The following USP7 variants were observed in gnomAD, a reference collection of about 807,000 sequenced individuals.
USP7 encodes the protein ubiquitin C-terminal hydrolase 7.
In USP7, 9 loss-of-function variants were observed where a neutral mutation model predicts 162.9. The ratio of observed to expected loss-of-function variants is 0.06; its 90% CI spans 0.03 to 0.10. USP7 has a LOEUF of 0.10. Ranked by LOEUF, USP7 falls within the 10% of genes least tolerant of loss-of-function variation. The pLI is 1.00. For synonymous variants in USP7, 562 were observed against 475.9 expected (o/e 1.18, Z -2.35); for missense variants, 715 against 1,373.7 (o/e 0.52, Z 7.58).
At chr16:8,940,303 A>T (rs1028396502) in intron 1 of USP7, among the ~76,000 whole-genome samples, 3 of 152,236 alleles carry the variant, frequency 2.0e-5, no homozygotes, top group Non-Finnish European at 4.4e-5. Flanking sequence ...GTCCAATGGC[A>T]AATGTCAACA....
At chr16:8,911,306 T>A (rs1488553218) in intron 10 of USP7, among the ~76,000 whole-genome samples, 1 of 152,124 alleles carries the variant, frequency 6.6e-6, no homozygotes, top group Non-Finnish European at 1.5e-5. Context: ...AGGTGGATTG[T>A]AGATAAATGG....
In USP7 at chr16:8,934,516, A is replaced by T. The variant is rs373907861; in HGVS notation, c.80-4119T>A. On this transcript the variant is annotated intron_variant, in intron 1 of 30. Transcript: ENST00000344836. ...CCCCCCATTTTTCAGCAGTGGGATT[A>T]ATTGCAGTGTGATGACTAAAGAAAG... 1.8e-4 allele frequency among the ~76,000 whole-genome samples: 27 copies of T among 152,360 alleles called. No individual in the cohort carries two copies. In the East Asian group the frequency reaches 3.3e-3, roughly 18 times the overall value.
intron 25 of USP7, among the ~76,000 whole-genome samples, chr16:8,897,726 A>AAAAATAT (rs1555461671): frequency 1.3e-3 from 9 of 7,132 alleles, no homozygotes; most frequent in African/African-American, 4.5e-3. Flanking sequence ...AAAAAAAAAA[A>AAAAATAT]ATATATATAT....
At chr16:8,921,128 T>C (rs371755960) in intron 4 of USP7, 29 bp downstream of exon 4, 46 of 1,609,246 alleles carry the variant, frequency 2.9e-5, no homozygotes, top group East Asian at 8.9e-5. Flanking sequence ...AATGCACCAA[T>C]TGTTCAGACT....
At chr16:8,956,044 C>A (rs1899785489) in intron 1 of USP7, among the ~76,000 whole-genome samples, 1 of 152,206 alleles carries the variant, frequency 6.6e-6, no homozygotes, top group Non-Finnish European at 1.5e-5. Context: ...CAAACTCACA[C>A]AGCACACTTT....
chr16:8,962,241 TCCCGA>T, intron 1 of USP7, among the ~76,000 whole-genome samples: 1 of 152,290 alleles, frequency 6.6e-6, no homozygotes, highest in South Asian at 2.1e-4. Flanking sequence ...TCCATTTGAC[TCCCGA>T]CAGCCTGAAC....
Position 8,915,250 on chromosome 16 carries a change from T to G in USP7, c.1078+4A>C. The stretch of plus-strand genomic sequence containing the variant: ...TCATGCCATTAGATACACACAACAC[T>G]TACTATTTTTCTTTCCTTTGATACT... On this transcript the variant is annotated splice_donor_region_variant and intron_variant, in intron 10 of 30. Transcript: ENST00000344836. The G allele has an allele frequency of 6.3e-7, 1 of 1,597,040 alleles. No individual in the cohort carries two copies. The highest frequency in any genetic ancestry group is 8.5e-7 in the Non-Finnish European group (1 of 1,172,444).
At chr16:8,909,821 G>A (rs1328377546) in intron 11 of USP7, among the ~76,000 whole-genome samples, 3 of 152,148 alleles carry the variant, frequency 2.0e-5, no homozygotes, top group African/African-American at 7.2e-5. Context: ...AGCTACTTGG[G>A]AGGCTGAGGT....
Position 8,898,401 on chromosome 16 carries a change from T to C in USP7, c.2677A>G (p.Ser893Gly). Residue 893 changes from serine to glycine, a missense_variant, in exon 25 of 31, where the codon AGT (serine) becomes GGT (glycine). Transcript: ENST00000344836. ...CTGTTTAACCATATACATTTAAAAC[T>C]TCGCCTGTTCTCAAAGTCTGTGATT... ...MKITDFENRR[S>G]FKCIWLNSQF... is the part of the protein sequence containing the mutation. 6.2e-7 allele frequency: 1 copy of C among 1,613,342 alleles called. No homozygotes were observed. The highest frequency in any genetic ancestry group is 8.5e-7 in the Non-Finnish European group (1 of 1,179,890).
At chr16:8,947,240 T>G (rs1899326566) in intron 1 of USP7, among the ~76,000 whole-genome samples, 1 of 152,216 alleles carries the variant, frequency 6.6e-6, no homozygotes, top group Admixed American at 6.5e-5. Flanking sequence ...GCCATTCCTC[T>G]CAATACACTT....
chr16:8,946,701 C>T (rs1042878095), intron 1 of USP7, among the ~76,000 whole-genome samples: 2 of 152,208 alleles, frequency 1.3e-5, no homozygotes, highest in East Asian at 1.9e-4. Flanking sequence ...TACCCCAGCC[C>T]CACACACCAG....
In USP7 at chr16:8,908,367, C is replaced by T. The variant is rs1261888430; in HGVS notation, c.1245G>A (p.Thr415=). The part of the protein sequence containing the change: ...QLMRFMYDPQ[T]DQNIKINDRF... Reference sequence around the variant, plus strand: ...TATCATTGATCTTGATATTTTGGTCCGTCTGAGGGTCATACATAAATCTCA... The same window carrying T: ...TATCATTGATCTTGATATTTTGGTCTGTCTGAGGGTCATACATAAATCTCA... Residue 415 remains threonine (T), a synonymous_variant, in exon 12 of 31, where the codon ACG becomes ACA. Transcript: ENST00000344836. 1.2e-6 allele frequency: 2 copies of T among 1,613,836 alleles called. No individual in the cohort carries two copies. Among genetic ancestry groups the T allele is most frequent in the South Asian group, 1.1e-5 (1 of 91,048 alleles).
chr16:8,941,991 C>A (rs1232684856), intron 1 of USP7, among the ~76,000 whole-genome samples: 1 of 152,206 alleles, frequency 6.6e-6, no homozygotes, highest in Non-Finnish European at 1.5e-5. Context: ...AAGGAGGAGA[C>A]AACTGGCAAG....
chr16:8,939,954 C>A (rs1052218005), intron 1 of USP7, among the ~76,000 whole-genome samples: 1 of 152,070 alleles, frequency 6.6e-6, no homozygotes. Flanking sequence ...AAAAATTAGC[C>A]AAGCATGGTG....
intron 21 of USP7, chr16:8,900,022 A>G (rs570362104): frequency 3.7e-6 from 2 of 537,798 alleles, no homozygotes; most frequent in East Asian, 3.3e-5. Flanking sequence ...AGGTAACAGC[A>G]CCTGCTCTCC....
At chr16:8,961,405 T>C (rs1900002275) in intron 1 of USP7, among the ~76,000 whole-genome samples, 2 of 144,816 alleles carry the variant, frequency 1.4e-5, no homozygotes, top group Admixed American at 1.4e-4. Flanking sequence ...GGCAGGAAAA[T>C]CGCTTGAACC....
rs1346281523 is a variant in USP7 at position 8,918,565 on chromosome 16, C to G, written c.720+466G>C. On this transcript the variant is annotated intron_variant, in intron 6 of 30. Coordinates refer to ENST00000344836, the MANE Select transcript of USP7 (RefSeq NM_003470.3). Reference sequence around the variant, plus strand: ...TGGATCATGCCTATAATCTGAGCCCCTTGGGAAGCTGAGGCAGGTGGATAG... The same window carrying G: ...TGGATCATGCCTATAATCTGAGCCCGTTGGGAAGCTGAGGCAGGTGGATAG... 2.0e-5 allele frequency among the ~76,000 whole-genome samples: 3 copies of G among 152,280 alleles called. No individual in the cohort carries two copies. The South Asian group carries it at 6.2e-4, about 32-fold the overall frequency.
intron 23 of USP7, 122 bp from the exon 24 acceptor site, chr16:8,898,761 T>A: frequency 1.3e-6 from 1 of 772,894 alleles, no homozygotes; most frequent in African/African-American, 1.8e-5. Flanking sequence ...GGACCTAGCA[T>A]GGGGTTTAAC....
At chr16:8,938,910 G>A (rs1464310064) in intron 1 of USP7, among the ~76,000 whole-genome samples, 1 of 152,118 alleles carries the variant, frequency 6.6e-6, no homozygotes, top group Non-Finnish European at 1.5e-5. Flanking sequence ...ACACTGTTTT[G>A]TATGAGGAAG....
Sources: gnomAD v4.1 joint callset for allele counts (sites outside exome capture counted in the v4.1 genomes callset) on GRCh38, gnomAD v4.1.1 for gene constraint, MANE v1.5 for transcripts, NCBI Gene and HGNC (gene_info 2026-07-23, HGNC 2026-07-21) for gene names.